The following ASTN1 variants were observed in gnomAD, a reference collection of about 807,000 sequenced individuals.
ASTN1 encodes the protein astrotactin-1.
A neutral mutation model predicts 140.7 loss-of-function variants in ASTN1; 41 were observed. The observed-to-expected ratio is 0.29, with a 90% CI of 0.23 to 0.38. The LOEUF is 0.38. Ranked by LOEUF, ASTN1 falls within the 10% of genes least tolerant of loss-of-function variation. ASTN1 has a pLI of 1.00. For missense variants in ASTN1, 1,479 were observed against 1,678.8 expected, an observed-to-expected ratio of 0.88 and a Z score of 2.08; for synonymous variants, 640 against 652.2, an observed-to-expected ratio of 0.98 and a Z score of 0.29.
At chr1:177,135,075 C>G (rs1048719183) in intron 1 of ASTN1, among the ~76,000 whole-genome samples, 6 of 152,094 alleles carry the variant, frequency 3.9e-5, no homozygotes, top group African/African-American at 7.2e-5. Context: ...AGAAGTTTTT[C>G]TACATGCAGA....
rs1671336028 is a variant in ASTN1 at position 176,934,262 on chromosome 1, T to C, written c.2561A>G (p.Asn854Ser). 6.2e-7 allele frequency: 1 copy of C among 1,614,086 alleles called. No homozygotes were observed. Among genetic ancestry groups the C allele is most frequent in the South Asian group, 1.1e-5 (1 of 91,070 alleles). The change falls in exon 16 of 23, where the codon AAC (asparagine) becomes AGC (serine). Residue 854 changes from asparagine (N) to serine (S), a missense_variant. Transcript: ENST00000361833. The part of the protein sequence containing the change: ...DFVALLDQFG[N>S]HYIQEAIYGF... ...GTAGATAGCTTCCTGGATGTAATGG[T>C]TGCCGAACTGGTCCAACAGCGCCAC... is the stretch of plus-strand genomic sequence containing the variant.
In ASTN1 at chr1:177,120,206, CA is replaced by C. The variant is rs368005644; in HGVS notation, c.283+44187del. On this transcript the variant is annotated intron_variant, in intron 1 of 22. Transcript: ENST00000361833. ...TTTGTTTGATTGTTTGATATTTAAT[CA>C]AAGTATTCAAACGCTGAGCTGCAAC... 8.2e-3 allele frequency among the ~76,000 whole-genome samples: 1,246 copies of C among 152,290 alleles called. 26 individuals are homozygous for C. The highest frequency in any genetic ancestry group is 0.029 in the African/African-American group (1,189 of 41,556).
chr1:176,937,301 G>T (rs1403444789), intron 14 of ASTN1, among the ~76,000 whole-genome samples: 1 of 152,188 alleles, frequency 6.6e-6, no homozygotes, highest in Non-Finnish European at 1.5e-5. Context: ...CAGTATCAGG[G>T]TGACTAAATC....
In ASTN1 at chr1:177,099,852, T is replaced by C. The variant is rs1216279158; in HGVS notation, c.284-38587A>G. Among the ~76,000 whole-genome samples the C allele has an allele frequency of 2.6e-5, 4 of 152,222 alleles. No individual in the cohort carries two copies. The East Asian group carries it at 5.8e-4, about 22-fold the overall frequency. ...TGTGAGCATCTATCTTTCTAAGCTA[T>C]GGAGAAAAATCATATATTTTATTAA... On this transcript the variant is annotated intron_variant, in intron 1 of 22. Transcript: ENST00000361833.
intron 8 of ASTN1, among the ~76,000 whole-genome samples, chr1:176,974,347 C>T (rs1453437404): frequency 6.6e-6 from 1 of 151,912 alleles, no homozygotes; most frequent in Non-Finnish European, 1.5e-5. Flanking sequence ...TGTTATTATA[C>T]ACACATTAAT....
At chr1:176,956,595 G>A (rs1470722665) in intron 11 of ASTN1, among the ~76,000 whole-genome samples, 2 of 152,216 alleles carry the variant, frequency 1.3e-5, no homozygotes, top group Non-Finnish European at 2.9e-5. Context: ...CAATCCAGTA[G>A]AGCTACCAGT....
intron 16 of ASTN1, among the ~76,000 whole-genome samples, chr1:176,898,693 T>C (rs1175391901): frequency 6.6e-6 from 1 of 151,748 alleles, no homozygotes; most frequent in Non-Finnish European, 1.5e-5. Flanking sequence ...GTGGGGGAGG[T>C]TTGTGTGTGG....
At chr1:176,978,254 T>C (rs1048709250) in intron 8 of ASTN1, among the ~76,000 whole-genome samples, 1 of 152,178 alleles carries the variant, frequency 6.6e-6, no homozygotes, top group African/African-American at 2.4e-5. Flanking sequence ...TGATGGTACC[T>C]GAAAGCAAAT....
downstream of ASTN1, among the ~76,000 whole-genome samples, chr1:176,858,448 A>G (rs1031227115): frequency 1.3e-5 from 2 of 152,312 alleles, no homozygotes; most frequent in African/African-American, 2.4e-5. Context: ...TCCTCAGGGC[A>G]GTAGGCATTT....
chr1:176,871,717 A>T (rs1668352229), intron 21 of ASTN1, among the ~76,000 whole-genome samples: 2 of 152,246 alleles, frequency 1.3e-5, no homozygotes, highest in African/African-American at 2.4e-5. Flanking sequence ...TTTCCACAGA[A>T]AGAATTGAGA....
intron 12 of ASTN1, 65 bp downstream of exon 12, chr1:176,949,120 G>A (rs1294414267): frequency 8.8e-6 from 14 of 1,590,196 alleles, no homozygotes; most frequent in Admixed American, 3.4e-5. Flanking sequence ...CCTGGATTTA[G>A]CATTGAAAGT....
chr1:176,894,824 G>A lies in ASTN1; in HGVS notation c.2678C>T (p.Ser893Phe), dbSNP rs745642391. The change falls in exon 17 of 23, where the codon TCC (serine) becomes TTC (phenylalanine). Residue 893 changes from serine (S) to phenylalanine (F), a missense_variant. By Grantham distance (155) the Ser-to-Phe change is radical. Coordinates refer to ENST00000361833, the MANE Select transcript of ASTN1 (RefSeq NM_004319.3). The part of the protein sequence containing the change: ...LEYEDISKGN[S>F]PSDESEERER... ...CCGCTCCTCAGACTCATCTGATGGGGAGTTGCCTGCAGACACAAAATGGAA... is the reference window on the plus strand; with the variant it reads ...CCGCTCCTCAGACTCATCTGATGGGAAGTTGCCTGCAGACACAAAATGGAA... 3.1e-5 allele frequency: 50 copies of A among 1,613,524 alleles called. No homozygotes were observed. Among genetic ancestry groups the A allele is most frequent in the Non-Finnish European group, 4.2e-5 (49 of 1,180,048 alleles).
At chr1:177,025,744 C>G (rs1676076620) in intron 5 of ASTN1, among the ~76,000 whole-genome samples, 1 of 152,106 alleles carries the variant, frequency 6.6e-6, no homozygotes, top group African/African-American at 2.4e-5. Context: ...TGTATGGGAA[C>G]CACCCACTTT....
At position 176,909,569 on chromosome 1, in the gene ASTN1, G is replaced by A. The variant is rs1182410001; in HGVS notation, c.2672-14739C>T. ...ACTAGCAGAACAGAATTAAATTTTG[G>A]TCCCCCAAGCCAACCTTTTTTGTTA... On this transcript the variant is annotated intron_variant, in intron 16 of 22. Transcript: ENST00000361833. Among the ~76,000 whole-genome samples the A allele has an allele frequency of 2.0e-5, 3 of 152,076 alleles. No homozygotes were observed. In the East Asian group the frequency reaches 5.8e-4, roughly 29 times the overall value.
intron 5 of ASTN1, among the ~76,000 whole-genome samples, chr1:177,025,402 G>A (rs550657543): frequency 1.3e-5 from 2 of 152,292 alleles, no homozygotes; most frequent in East Asian, 3.9e-4. Flanking sequence ...ATAGGGATAG[G>A]GAGGGAAGAG....
At chr1:177,054,304 C>T (rs1046027709) in intron 2 of ASTN1, among the ~76,000 whole-genome samples, 1 of 152,164 alleles carries the variant, frequency 6.6e-6, no homozygotes, top group Non-Finnish European at 1.5e-5. Flanking sequence ...GAAACAATGT[C>T]TAGCACATAG....
chr1:177,025,644 G>A (rs1006144356), intron 5 of ASTN1, among the ~76,000 whole-genome samples: 11 of 152,000 alleles, frequency 7.2e-5, no homozygotes, highest in African/African-American at 1.2e-4. Flanking sequence ...AGCAATAAAA[G>A]GTTTCCATTA....
In ASTN1 at chr1:176,876,530, C is replaced by T; in HGVS notation, c.3463+7G>A. ...TCAGAAACACTGCTAACTTCGATGT[C>T]TCTTACCTTGAGCCTTGACATCATC... On this transcript the variant is annotated splice_region_variant and intron_variant, in intron 21 of 22. Coordinates refer to ENST00000361833, the MANE Select transcript of ASTN1 (RefSeq NM_004319.3). The T allele has an allele frequency of 1.2e-6, 2 of 1,614,086 alleles. No individual in the cohort carries two copies. The highest frequency in any genetic ancestry group is 2.2e-5 in the East Asian group (1 of 44,874).
At chr1:176,979,837 T>C (rs1283971838) in intron 8 of ASTN1, among the ~76,000 whole-genome samples, 1 of 152,112 alleles carries the variant, frequency 6.6e-6, no homozygotes, top group Non-Finnish European at 1.5e-5. Context: ...TGAGAGTTTG[T>C]GTGTGTAAGA....
Sources: allele counts gnomAD v4.1 joint callset (sites outside exome capture counted in the v4.1 genomes callset), GRCh38; gene constraint gnomAD v4.1.1; transcripts MANE v1.5; gene names NCBI Gene and HGNC (gene_info 2026-07-23, HGNC 2026-07-21).